The following ZNF215 variants were observed in gnomAD, a reference collection of about 807,000 sequenced individuals.
The protein encoded by ZNF215 is zinc finger protein 215.
Under a neutral mutation model 27.2 loss-of-function variants are expected in ZNF215, and 24 were observed. The ratio of observed to expected loss-of-function variants is 0.88; its 90% CI spans 0.64 to 1.24. ZNF215 has a LOEUF of 1.24. ZNF215 is among the 50% of genes most tolerant of loss of function. The pLI is 0.00. For missense variants in ZNF215, 675 were observed against 605.7 expected (o/e 1.11, Z -1.20); for synonymous variants, 210 against 204.0 (o/e 1.03, Z -0.25).
chr11:6,971,104 GAA>G (rs535725809), intron 5 of ZNF215, among the ~76,000 whole-genome samples: 1 of 139,500 alleles, frequency 7.2e-6, no homozygotes, highest in African/African-American at 2.6e-5. Context: ...ACTGTTACAT[GAA>G]AAAAAAAAAA....
rs150001435 is a variant in ZNF215 at position 6,943,609 on chromosome 11, T to C, written c.680T>C (p.Met227Thr). ...GAGAGTAAGAAAAAAAGATGGATAA[T>C]GGAGAAAGAAATACCAAGGAAGACT... is the stretch of plus-strand genomic sequence containing the variant. ...KLESKKKRWI[M>T]EKEIPRKTIF... Residue 227 changes from methionine to threonine, a missense_variant, in exon 6 of 7, where the codon ATG becomes ACG. By Grantham distance (81) the Met-to-Thr change is moderately conservative. Coordinates refer to ENST00000278319, the MANE Select transcript of ZNF215 (RefSeq NM_013250.4). 1.2e-6 allele frequency: 2 copies of C among 1,613,978 alleles called. No individual in the cohort carries two copies. Among genetic ancestry groups the C allele is most frequent in the Non-Finnish European group, 1.7e-6 (2 of 1,179,916 alleles).
At chr11:6,948,205 CT>C (rs1013462454) in intron 6 of ZNF215, among the ~76,000 whole-genome samples, 1 of 152,194 alleles carries the variant, frequency 6.6e-6, no homozygotes, top group Non-Finnish European at 1.5e-5. Flanking sequence ...TTGTGTTCTT[CT>C]CCCTTGCAAA....
chr11:6,951,724 T>C (rs1850078565), intron 6 of ZNF215, among the ~76,000 whole-genome samples: 1 of 152,160 alleles, frequency 6.6e-6, no homozygotes, highest in African/African-American at 2.4e-5. Flanking sequence ...TTTTTGTGTC[T>C]CTATTTCCTT....
chr11:6,984,586 CAT>C, exon 6 of ZNF215: 1 of 152,384 alleles, frequency 6.6e-6, no homozygotes, highest in South Asian at 2.1e-4. Context: ...AAGACTAAGT[CAT>C]ATTGTGCATA....
At chr11:6,939,619 T>A (rs1849566666) in intron 3 of ZNF215, among the ~76,000 whole-genome samples, 1 of 152,128 alleles carries the variant, frequency 6.6e-6, no homozygotes, top group Non-Finnish European at 1.5e-5. Flanking sequence ...CAAGATCCAT[T>A]TAGCAAGGGA....
At chr11:6,986,354 C>T (rs913964678), downstream of ZNF215, among the ~76,000 whole-genome samples, 1 of 152,072 alleles carries the variant, frequency 6.6e-6, no homozygotes, top group East Asian at 1.9e-4. Flanking sequence ...AGATCCCTAC[C>T]TAACACCATA....
intron 5 of ZNF215, among the ~76,000 whole-genome samples, chr11:6,975,275 G>A (rs1161756941): frequency 6.6e-6 from 1 of 151,950 alleles, no homozygotes; most frequent in Non-Finnish European, 1.5e-5. Context: ...TACATAGTAG[G>A]TGTATATATT....
intron 6 of ZNF215, among the ~76,000 whole-genome samples, chr11:6,954,774 G>T (rs1850257343): frequency 6.6e-6 from 1 of 152,208 alleles, no homozygotes; most frequent in Non-Finnish European, 1.5e-5. Context: ...ACTCCCTAGT[G>T]AGGTGAACCC....
chr11:6,942,877 C>G (rs1000795034), intron 4 of ZNF215, among the ~76,000 whole-genome samples: 2 of 152,096 alleles, frequency 1.3e-5, no homozygotes, highest in African/African-American at 4.8e-5. Context: ...CTTTTGTATC[C>G]CTAACAGAGT....
chr11:6,956,208 G>A lies in ZNF215; in HGVS notation c.1231G>A (p.Glu411Lys), dbSNP rs1462078111. 2 of 1,613,000 alleles carry A rather than the reference G, an allele frequency of 1.2e-6. No homozygotes were observed. The highest frequency in any genetic ancestry group is 2.2e-5 in the South Asian group (2 of 90,808). The change falls in exon 7 of 7, where the codon GAA becomes AAA. Residue 411 changes from glutamate to lysine, a missense_variant. Transcript: ENST00000278319. ...AGGAGAGAAACCCTATAAATGCAGT[G>A]AATGTGGGAGATTCTTCAACCGACG... ...HTGEKPYKCSECGRFFNRRTN... is the reference protein window; with the variant it reads ...HTGEKPYKCSKCGRFFNRRTN...
chr11:6,956,967 A>G lies in ZNF215; in HGVS notation c.*436A>G. The G allele has an allele frequency of 1.0e-6, 1 of 987,160 alleles. No homozygotes were observed. Among genetic ancestry groups the G allele is most frequent in the African/African-American group, 1.7e-5 (1 of 57,330 alleles). 61.2% of individuals were successfully genotyped at this position (987,160 alleles called of 1,614,324 possible). A position where few individuals can be genotyped will look rare whatever the true frequency, so the allele number is the denominator to read the frequency against. On this transcript the variant is annotated 3_prime_UTR_variant, in exon 7 of 7. Coordinates refer to ENST00000278319, the MANE Select transcript of ZNF215 (RefSeq NM_013250.4). Reference sequence around the variant, plus strand: ...GAAGGTCACAAGAAATCATTAGCTCATGCGAATATAAGAGAATACTTCTAA... The same window carrying G: ...GAAGGTCACAAGAAATCATTAGCTCGTGCGAATATAAGAGAATACTTCTAA...
chr11:6,952,414 G>T (rs964831113), intron 6 of ZNF215, among the ~76,000 whole-genome samples: 7 of 152,078 alleles, frequency 4.6e-5, no homozygotes, highest in African/African-American at 1.7e-4. Flanking sequence ...GAATCTGGGT[G>T]CTCCTGTATT....
At chr11:6,969,468 CAA>C (rs1464015583) in intron 5 of ZNF215, among the ~76,000 whole-genome samples, 9 of 151,688 alleles carry the variant, frequency 5.9e-5, no homozygotes, top group African/African-American at 2.2e-4. Flanking sequence ...CAAAAGCAAA[CAA>C]GAAAATTTTC....
At position 6,970,920 on chromosome 11, in the gene ZNF215, A is replaced by T. The variant is rs373356841; in HGVS notation, c.806-13209A>T. ...GAAGCTTTCAGATCTGCCCCATACA[A>T]CCCTGTGGGGGAACTTTATCATGCT... On this transcript the variant is annotated intron_variant, in intron 5 of 5. Coordinates refer to the ZNF215 transcript ENST00000529903. 1.1e-4 allele frequency among the ~76,000 whole-genome samples: 17 copies of T among 152,174 alleles called. No homozygotes were observed. The South Asian group carries it at 3.5e-3, about 32-fold the overall frequency.
At chr11:6,943,426 T>C in intron 5 of ZNF215, 120 bp from the exon 6 acceptor site, 1 of 1,141,628 alleles carries the variant, frequency 8.8e-7, no homozygotes, top group South Asian at 1.5e-5. Context: ...GGTGCTCTTC[T>C]GGCCTTACCC....
Position 6,972,911 on chromosome 11 carries a change from A to ATTT in ZNF215, c.806-11212_806-11210dup, listed in dbSNP as rs11382653. Among the ~76,000 whole-genome samples the ATTT allele has an allele frequency of 9.9e-5, 15 of 151,938 alleles. No individual in the cohort carries two copies. The East Asian group carries it at 2.7e-3, about 27-fold the overall frequency. On this transcript the variant is annotated intron_variant, in intron 5 of 5. Transcript: ENST00000529903. Reference sequence around the variant, plus strand: ...CCTTAGCATTGAAAGGATTTTTTTAATTTTTTTTATTATACTTTAAGTTCT... The same window carrying ATTT: ...CCTTAGCATTGAAAGGATTTTTTTAATTTTTTTTTTTATTATACTTTAAGTTCT...
downstream of ZNF215, among the ~76,000 whole-genome samples, chr11:6,960,455 G>C (rs1240268061): frequency 2.0e-5 from 3 of 152,118 alleles, no homozygotes; most frequent in Non-Finnish European, 4.4e-5. Context: ...AACTCAGCCT[G>C]AGCAAGCGAA....
At chr11:6,936,750 C>T (rs937849175) in intron 3 of ZNF215, among the ~76,000 whole-genome samples, 2 of 151,908 alleles carry the variant, frequency 1.3e-5, no homozygotes, top group African/African-American at 2.4e-5. Flanking sequence ...GGATTGATCC[C>T]AGAAATGCAA....
At chr11:6,983,239 C>G (rs1402321208) in intron 5 of ZNF215, among the ~76,000 whole-genome samples, 2 of 152,136 alleles carry the variant, frequency 1.3e-5, no homozygotes, top group African/African-American at 2.4e-5. Context: ...AGACCAATAA[C>G]AGGCTCTGAA....
Sources: allele counts gnomAD v4.1 joint callset (sites outside exome capture counted in the v4.1 genomes callset), GRCh38; gene constraint gnomAD v4.1.1; transcripts MANE v1.5; gene names NCBI Gene and HGNC (gene_info 2026-07-23, HGNC 2026-07-21).